The following ACSS3 variants were observed in gnomAD, a reference collection of about 807,000 sequenced individuals.
The protein encoded by ACSS3 is acyl-CoA synthetase short chain family member 3, also known as acyl-CoA synthetase short-chain family member 3, mitochondrial.
ACSS3 carries 64 observed loss-of-function variants against 84.2 expected under a neutral mutation model. That is an observed-to-expected ratio of 0.76 (90% confidence interval 0.62 to 0.94). ACSS3 has a LOEUF of 0.94. Among genes scored for constraint, ACSS3 ranks in the 40% least tolerant of loss-of-function variants. The probability of loss-of-function intolerance (pLI) is 0.00; values close to 1 mark genes in which losing one functional copy is unlikely to be tolerated. For missense variants in ACSS3, 815 were observed against 867.6 expected (o/e 0.94, Z 0.76); for synonymous variants, 317 against 310.1 (o/e 1.02, Z -0.23).
rs115598324 is a variant in ACSS3, at chr12:81,125,378, G to A, written c.457-9438G>A. ...CTAAAATATGCTACTGCCTCATTTA[G>A]CTAAGGTAATTAATGCTTTCTTCTT... On this transcript the variant is annotated intron_variant, in intron 2 of 15. Transcript: ENST00000548058. Among the ~76,000 whole-genome samples the A allele has an allele frequency of 4.5e-3, 680 of 152,178 alleles. 4 individuals are homozygous for A. Among genetic ancestry groups the A allele is most frequent in the African/African-American group, 0.016 (645 of 41,506 alleles).
intron 9 of ACSS3, among the ~76,000 whole-genome samples, chr12:81,216,648 C>A (rs771350878): frequency 1.3e-5 from 2 of 152,036 alleles, no homozygotes; most frequent in Non-Finnish European, 2.9e-5. Context: ...GCTAGAGCAG[C>A]CTTTCTTTTC....
At chr12:81,152,725 A>C (rs528756597) in intron 7 of ACSS3, among the ~76,000 whole-genome samples, 7 of 152,340 alleles carry the variant, frequency 4.6e-5, no homozygotes, top group African/African-American at 1.7e-4. Flanking sequence ...GTAGAAGATC[A>C]AAGTCTTGGA....
chr12:81,183,672 C>T (rs1169730265), intron 8 of ACSS3, among the ~76,000 whole-genome samples: 5 of 151,984 alleles, frequency 3.3e-5, no homozygotes, highest in Non-Finnish European at 5.9e-5. Flanking sequence ...ATAAAATAGA[C>T]TTCAAATCAA....
At chr12:81,138,710 C>A (rs1230867515) in intron 3 of ACSS3, among the ~76,000 whole-genome samples, 1 of 152,040 alleles carries the variant, frequency 6.6e-6, no homozygotes, top group Admixed American at 6.6e-5. Flanking sequence ...CTGCTGTAAT[C>A]TCTTTAGGCA....
At chr12:81,114,031 T>C (rs1439484977) in intron 2 of ACSS3, among the ~76,000 whole-genome samples, 2 of 152,094 alleles carry the variant, frequency 1.3e-5, no homozygotes, top group African/African-American at 4.8e-5. Flanking sequence ...CCATCACTAA[T>C]TTTATGTTGA....
chr12:81,169,673 A>AT (rs910165842), intron 7 of ACSS3, among the ~76,000 whole-genome samples: 3 of 151,520 alleles, frequency 2.0e-5, no homozygotes, highest in South Asian at 2.1e-4. Flanking sequence ...CTGCATTTTA[A>AT]TTTTTTTTTC....
intron 1 of ACSS3, among the ~76,000 whole-genome samples, chr12:81,105,990 G>T (rs1228710002): frequency 2.0e-5 from 3 of 152,184 alleles, no homozygotes; most frequent in Non-Finnish European, 4.4e-5. Context: ...TGCAAAGTTT[G>T]TAATCAGTAC....
At chr12:81,227,350 G>A (rs1195632922) in intron 11 of ACSS3, among the ~76,000 whole-genome samples, 1 of 150,146 alleles carries the variant, frequency 6.7e-6, no homozygotes, top group Non-Finnish European at 1.5e-5. Flanking sequence ...AAGCTAAATT[G>A]ATGCATAGAA....
At chr12:81,173,644 T>A (rs1044111762) in intron 7 of ACSS3, among the ~76,000 whole-genome samples, 1 of 152,170 alleles carries the variant, frequency 6.6e-6, no homozygotes, top group African/African-American at 2.4e-5. Flanking sequence ...TAGGTCTAAC[T>A]GTCATGATAT....
chr12:81,197,098 A>T (rs142270103), intron 8 of ACSS3, among the ~76,000 whole-genome samples: 127 of 152,204 alleles, frequency 8.3e-4, no homozygotes, highest in Middle Eastern at 3.4e-3. Flanking sequence ...GTAACAGCAC[A>T]TTGGATGTTT....
intron 1 of ACSS3, among the ~76,000 whole-genome samples, chr12:81,093,464 CAAA>C (rs11308483): frequency 4.3e-5 from 6 of 141,042 alleles, no homozygotes; most frequent in African/African-American, 2.6e-5. Flanking sequence ...CCACCGCCAC[CAAA>C]AAAAAAAAAA....
At chr12:81,240,004 GTTAT>G (rs2033743713) in intron 13 of ACSS3, among the ~76,000 whole-genome samples, 1 of 151,974 alleles carries the variant, frequency 6.6e-6, no homozygotes, top group Non-Finnish European at 1.5e-5. Context: ...TCTATGAAGT[GTTAT>G]TTGAGTGTGG....
At chr12:81,191,125 A>G (rs2031548847) in intron 8 of ACSS3, among the ~76,000 whole-genome samples, 1 of 152,034 alleles carries the variant, frequency 6.6e-6, no homozygotes, top group South Asian at 2.1e-4. Flanking sequence ...CTCCCCTACT[A>G]TGAACATCTC....
In ACSS3 at chr12:81,087,688, T is replaced by A. The variant is rs1194073740; in HGVS notation, c.311+9257T>A. Among the ~76,000 whole-genome samples the A allele has an allele frequency of 5.3e-5, 8 of 152,088 alleles. 1 individual carries two copies. Among genetic ancestry groups the A allele is most frequent in the Admixed American group, 5.2e-4 (8 of 15,248 alleles). On this transcript the variant is annotated intron_variant, in intron 1 of 15. Transcript: ENST00000548058. ...TCTTATTTTCATAGAATTCCATTGA[T>A]TTTCAATTGAGAGGCAAGTATTTTT... is the stretch of plus-strand genomic sequence containing the variant.
chr12:81,253,217 GTATATC>G (rs2034205585), intron 13 of ACSS3, 84 bp from the exon 14 acceptor site: 1 of 1,328,082 alleles, frequency 7.5e-7, no homozygotes, highest in South Asian at 1.3e-5. Context: ...ATATGTGTTT[GTATATC>G]TATATCTGTA....
At chr12:81,175,767 T>C (rs568082547) in intron 8 of ACSS3, among the ~76,000 whole-genome samples, 1 of 152,032 alleles carries the variant, frequency 6.6e-6, no homozygotes, top group African/African-American at 2.4e-5. Flanking sequence ...GGGTAAACAA[T>C]GAAATTAAGG....
intron 8 of ACSS3, among the ~76,000 whole-genome samples, chr12:81,185,961 T>C (rs978581206): frequency 1.3e-5 from 2 of 151,794 alleles, no homozygotes; most frequent in South Asian, 4.1e-4. Flanking sequence ...AGAAGTATAT[T>C]ACAAAGCTAT....
At chr12:81,105,190 G>A (rs920311445) in intron 1 of ACSS3, among the ~76,000 whole-genome samples, 8 of 152,156 alleles carry the variant, frequency 5.3e-5, no homozygotes, top group African/African-American at 1.9e-4. Flanking sequence ...GTATTTTAAA[G>A]CGGCCATCAT....
chr12:81,178,203 C>G (rs2030638894), intron 8 of ACSS3, among the ~76,000 whole-genome samples: 1 of 150,282 alleles, frequency 6.7e-6, no homozygotes, highest in Admixed American at 6.7e-5. Context: ...TCTTAGTAAA[C>G]TATCTCAAGG....
Sources: allele counts gnomAD v4.1 joint callset (sites outside exome capture counted in the v4.1 genomes callset), GRCh38; gene constraint gnomAD v4.1.1; transcripts MANE v1.5; gene names NCBI Gene and HGNC (gene_info 2026-07-23, HGNC 2026-07-21).